The following ADGRE2 variants were observed in gnomAD, a reference collection of about 807,000 sequenced individuals.
ADGRE2 encodes CD97 antigen.
Under a neutral mutation model 100.8 loss-of-function variants are expected in ADGRE2, and 83 were observed. The observed-to-expected ratio is 0.82, with a 90% CI of 0.69 to 0.99. ADGRE2 has a LOEUF of 0.99. Among genes scored for constraint, ADGRE2 ranks in the 50% least tolerant of loss-of-function variants. The pLI is 0.00. For synonymous variants in ADGRE2, 355 were observed against 413.0 expected (o/e 0.86, Z 1.70); for missense variants, 814 against 1,035.7 (o/e 0.79, Z 2.94).
At chr19:14,730,609 GTAA>G (rs2147050668), downstream of ADGRE2, among the ~76,000 whole-genome samples, 1 of 152,132 alleles carries the variant, frequency 6.6e-6, no homozygotes, top group South Asian at 2.1e-4. Flanking sequence ...AAAGCAGTTT[GTAA>G]TAACCCAAAC....
chr19:14,751,524 G>A lies in ADGRE2; in HGVS notation c.1936C>T (p.Leu646Phe), dbSNP rs2043282743. The A allele has an allele frequency of 3.1e-6, 5 of 1,614,108 alleles. No individual in the cohort carries two copies. In the East Asian group the frequency reaches 1.1e-4, roughly 36 times the overall value. The change falls in exon 16 of 21, where the codon CTC (leucine) becomes TTC (phenylalanine). Residue 646 changes from leucine to phenylalanine, a missense_variant. Physicochemically the swap from Leu to Phe is conservative, Grantham distance 22. Around this residue, in one of 5 missense-constraint regions of ADGRE2, gnomAD observed 569 missense variants for 692.7 expected, o/e 0.82. Transcript: ENST00000315576. Reference protein sequence around the residue: ...YSSINRFMKKLMFPVGYGVPA... With the variant: ...YSSINRFMKKFMFPVGYGVPA... ...ACTCCGTAGCCCACAGGGAACATGAGCTTCTTCATGAATCTGTTGATGCTT... is the reference window on the plus strand; with the variant it reads ...ACTCCGTAGCCCACAGGGAACATGAACTTCTTCATGAATCTGTTGATGCTT...
chr19:14,760,482 A>T (rs1375113281), intron 11 of ADGRE2, among the ~76,000 whole-genome samples: 1 of 152,160 alleles, frequency 6.6e-6, no homozygotes, highest in Admixed American at 6.6e-5. Flanking sequence ...GTTCCTCCAA[A>T]AGCTGAACAT....
At chr19:14,756,154 C>G (rs1225487119) in intron 12 of ADGRE2, 84 bp downstream of exon 12, 5 of 1,111,266 alleles carry the variant, frequency 4.5e-6, no homozygotes, top group Non-Finnish European at 6.8e-6. Flanking sequence ...TCCCTTTAAT[C>G]TTTAAATTTC....
At chr19:14,730,863 C>T (rs116264408), downstream of ADGRE2, among the ~76,000 whole-genome samples, 501 of 151,830 alleles carry the variant, frequency 3.3e-3, 2 homozygotes, top group African/African-American at 0.011. Flanking sequence ...TTTATGTTCA[C>T]GTGTACCCAA....
chr19:14,764,609 C>T lies in ADGRE2; in HGVS notation c.908G>A (p.Ser303Asn), dbSNP rs775961737. 1 of 1,610,436 alleles carries T rather than the reference C, an allele frequency of 6.2e-7. No homozygotes were observed. The highest frequency in any genetic ancestry group is 1.1e-5 in the South Asian group (1 of 90,870). The change falls in exon 11 of 21, where the codon AGC becomes AAC. Residue 303 changes from serine (S) to asparagine (N), a missense_variant and splice_region_variant. Physicochemically the swap from Ser to Asn is conservative, Grantham distance 46 (BLOSUM62 1). Transcript: ENST00000315576. Reference sequence around the variant, plus strand: ...CAGCTCATCCAGCGCCTGTAAGATGCTCTGGAGGGATGTGGACACAGACCT... The same window carrying T: ...CAGCTCATCCAGCGCCTGTAAGATGTTCTGGAGGGATGTGGACACAGACCT... ...KPGLANNTIQ[S>N]ILQALDELLE...
intron 13 of ADGRE2, 149 bp from the exon 14 acceptor site, chr19:14,755,276 A>G (rs1296516426): frequency 1.8e-6 from 1 of 570,776 alleles, no homozygotes; most frequent in East Asian, 3.1e-5. Context: ...TCTACTAAAA[A>G]AAAAAAAAAA....
Position 14,756,338 on chromosome 19 carries a change from G to A in ADGRE2, c.1092C>T (p.Ser364=), listed in dbSNP as rs560101462. 4 of 1,612,932 alleles carry A rather than the reference G, an allele frequency of 2.5e-6. No homozygotes were observed. Among genetic ancestry groups the A allele is most frequent in the East Asian group, 4.5e-5 (2 of 44,874 alleles). ...NFSYPAGTEL[S]LEVQKQVDRS... is the part of the protein sequence containing the mutation. ...TGTCTACTTGCTTCTGCACCTCCAG[G>A]GACAATTCTATGAGTTGTGGGAATT... The change falls in exon 12 of 21, where the codon TCC becomes TCT. Residue 364 remains serine, a synonymous_variant. Coordinates refer to ENST00000315576, the MANE Select transcript of ADGRE2 (RefSeq NM_013447.4).
At position 14,776,795 on chromosome 19, in the gene ADGRE2, G is replaced by A. The variant is rs1486316664; in HGVS notation, c.-39C>T. 3 of 1,611,696 alleles carry A rather than the reference G, an allele frequency of 1.9e-6. No homozygotes were observed. Among genetic ancestry groups the A allele is most frequent in the Non-Finnish European group, 2.5e-6 (3 of 1,179,044 alleles). ...CTGCCGGCAGGAGCAGCAGGGGAAA[G>A]AGTGAGTGGGACAGGGCTGTCCCGT... On this transcript the variant is annotated 5_prime_UTR_variant, in exon 2 of 21. Transcript: ENST00000315576.
intron 11 of ADGRE2, among the ~76,000 whole-genome samples, chr19:14,758,635 A>G (rs1218454587): frequency 1.3e-5 from 2 of 152,242 alleles, no homozygotes; most frequent in African/African-American, 2.4e-5. Context: ...CTGTAATCCC[A>G]GCACTTTGGG....
rs2043323935 is a variant in ADGRE2 at position 14,752,324 on chromosome 19, A to G, written c.1788+5T>C. 3 of 1,613,934 alleles carry G rather than the reference A, an allele frequency of 1.9e-6. No individual in the cohort carries two copies. The highest frequency in any genetic ancestry group is 2.5e-6 in the Non-Finnish European group (3 of 1,179,962). On this transcript the variant is annotated splice_donor_5th_base_variant and intron_variant, in intron 15 of 20. Coordinates refer to ENST00000315576, the MANE Select transcript of ADGRE2 (RefSeq NM_013447.4). ...GGGAGCCCTCTGGAACACCGCTGTCAATACCTTGTGTCCGGTTTGATCAAT... is the reference window on the plus strand; with the variant it reads ...GGGAGCCCTCTGGAACACCGCTGTCGATACCTTGTGTCCGGTTTGATCAAT...
At chr19:14,754,390 G>T (rs1242743465) in intron 14 of ADGRE2, among the ~76,000 whole-genome samples, 2 of 151,590 alleles carry the variant, frequency 1.3e-5, no homozygotes, top group African/African-American at 2.4e-5. Flanking sequence ...ATCTGGGTGG[G>T]CACCATCTAA....
At chr19:14,771,971 C>T (rs1466868118) in intron 5 of ADGRE2, 3 of 256,910 alleles carry the variant, frequency 1.2e-5, no homozygotes, top group African/African-American at 6.6e-5. Flanking sequence ...GTGTGCTGGG[C>T]TCTGTTAGAA....
At chr19:14,769,388 G>A (rs755380949) in intron 5 of ADGRE2, among the ~76,000 whole-genome samples, 32 of 152,162 alleles carry the variant, frequency 2.1e-4, no homozygotes, top group Non-Finnish European at 4.1e-4. Context: ...GATGCCTGGA[G>A]TAAGTGGGGC....
intron 1 of ADGRE2, among the ~76,000 whole-genome samples, chr19:14,777,685 C>G (rs573159882): frequency 6.6e-6 from 1 of 150,416 alleles, no homozygotes; most frequent in Non-Finnish European, 1.5e-5. Context: ...TGATGTTTCC[C>G]GCCCTGTGTC....
intron 5 of ADGRE2, among the ~76,000 whole-genome samples, chr19:14,770,175 AT>A (rs2044146140): frequency 6.6e-6 from 1 of 151,416 alleles, no homozygotes; most frequent in Non-Finnish European, 1.5e-5. Flanking sequence ...CAGATCCCTC[AT>A]GAACATCTCG....
At position 14,746,258 on chromosome 19, in the gene ADGRE2, A is replaced by C; in HGVS notation, c.2157T>G (p.Ser719Arg). 6.2e-7 allele frequency: 1 copy of C among 1,607,714 alleles called. No individual in the cohort carries two copies. Among genetic ancestry groups the C allele is most frequent in the Non-Finnish European group, 8.5e-7 (1 of 1,174,446 alleles). Reference sequence around the variant, plus strand: ...TTGTGTTCCGGAGGGTGGACACTTCACTATTGAGGGAGGAGAGTCTGTTTT... The same window carrying C: ...TTGTGTTCCGGAGGGTGGACACTTCCCTATTGAGGGAGGAGAGTCTGTTTT... ...ILKNRLSSLN[S>R]EVSTLRNTRM... Residue 719 changes from serine to arginine, a missense_variant, in exon 18 of 21, where the codon AGT (serine) becomes AGG (arginine). Transcript: ENST00000315576.
chr19:14,739,627 C>T (rs978268321), intron 20 of ADGRE2, among the ~76,000 whole-genome samples: 1 of 152,102 alleles, frequency 6.6e-6, no homozygotes, highest in Admixed American at 6.6e-5. Context: ...TAATGACCCC[C>T]CAAAGAGGTT....
chr19:14,761,774 A>C (rs1361120610), intron 11 of ADGRE2, among the ~76,000 whole-genome samples: 1 of 152,170 alleles, frequency 6.6e-6, no homozygotes, highest in East Asian at 1.9e-4. Flanking sequence ...TAATAAGATT[A>C]GGGTGGGGCA....
intron 20 of ADGRE2, among the ~76,000 whole-genome samples, chr19:14,737,161 TA>T (rs1708659972): frequency 2.0e-5 from 3 of 149,584 alleles, no homozygotes; most frequent in East Asian, 1.9e-4. Context: ...TAAAATTTAT[TA>T]AAAAAAAGAA....
Sources: allele counts gnomAD v4.1 joint callset (sites outside exome capture counted in the v4.1 genomes callset), GRCh38; gene constraint gnomAD v4.1.1; regional missense constraint gnomAD v4.1.1; transcripts MANE v1.5; gene names NCBI Gene and HGNC (gene_info 2026-07-23, HGNC 2026-07-21).